The following BACH2 variants were observed in gnomAD, a reference collection of about 807,000 sequenced individuals.
The protein encoded by BACH2 is transcription regulator protein BACH2.
BACH2 carries 5 observed loss-of-function variants against 61.8 expected under a neutral mutation model. That is an observed-to-expected ratio of 0.08 (90% CI 0.04 to 0.17). The LOEUF is 0.17. BACH2 is among the 10% of genes least tolerant of loss of function. BACH2 has a pLI of 1.00. For missense variants in BACH2, 824 were observed against 1,091.1 expected (o/e 0.76, Z 3.45); for synonymous variants, 446 against 440.1 (o/e 1.01, Z -0.17).
intron 3 of BACH2, among the ~76,000 whole-genome samples, chr6:90,235,508 G>A (rs1344011008): frequency 6.6e-6 from 1 of 152,120 alleles, no homozygotes; most frequent in Non-Finnish European, 1.5e-5. Flanking sequence ...AAAAGTCAGT[G>A]ATCTATAGAG....
At chr6:90,202,796 A>C (rs987782197) in intron 4 of BACH2, among the ~76,000 whole-genome samples, 1 of 152,336 alleles carries the variant, frequency 6.6e-6, no homozygotes, top group South Asian at 2.1e-4. Flanking sequence ...TAAGAAGGAA[A>C]GATCTTTCAA....
At chr6:90,262,979 CACAGA>C (rs1188138073) in intron 2 of BACH2, among the ~76,000 whole-genome samples, 2 of 152,108 alleles carry the variant, frequency 1.3e-5, no homozygotes, top group Non-Finnish European at 2.9e-5. Context: ...AAAATTCACT[CACAGA>C]AAAGAGTACA....
chr6:90,159,164 C>G (rs1026604240), intron 4 of BACH2, among the ~76,000 whole-genome samples: 1 of 152,206 alleles, frequency 6.6e-6, no homozygotes, highest in South Asian at 2.1e-4. Flanking sequence ...CTGGGTAAGA[C>G]AGCAGAATCG....
intron 1 of BACH2, among the ~76,000 whole-genome samples, chr6:90,282,645 T>C (rs1033563728): frequency 1.3e-5 from 2 of 152,168 alleles, no homozygotes; most frequent in African/African-American, 4.8e-5. Flanking sequence ...ATAATTTATA[T>C]TCCTTTGGGT....
chr6:90,212,032 T>C (rs1489598369), intron 3 of BACH2, among the ~76,000 whole-genome samples: 1 of 152,060 alleles, frequency 6.6e-6, no homozygotes, highest in Non-Finnish European at 1.5e-5. Context: ...GGCTCTGAAG[T>C]CTAGAAAAAA....
rs192251128 is a variant in BACH2, at chr6:90,121,092, C to T, written c.-161-31983G>A. 3.0e-3 allele frequency among the ~76,000 whole-genome samples: 462 copies of T among 152,210 alleles called. 1 individual carries two copies. The highest frequency in any genetic ancestry group is 0.01 in the African/African-American group (430 of 41,528). On this transcript the variant is annotated intron_variant, in intron 4 of 8. Transcript: ENST00000257749. ...TGCAAGTGTCTTAAAAAATTCCTCA[C>T]TTAAAGAGACTGAAAATGGAAATCA...
chr6:89,938,288 C>A lies in BACH2; in HGVS notation c.1899G>T (p.Met633Ile). 1 of 1,614,250 alleles carries A rather than the reference C, an allele frequency of 6.2e-7. No individual in the cohort carries two copies. Among genetic ancestry groups the A allele is most frequent in the Non-Finnish European group, 8.5e-7 (1 of 1,180,038 alleles). Reference protein sequence around the residue: ...TDLPRNDFQMMIKMHKLTSEQ... With the variant: ...TDLPRNDFQMIIKMHKLTSEQ... ...CTGAGGTTAGCTTGTGCATTTTAATCATCATCTGGAAATCGTTCCTTGGAA... is the reference window on the plus strand; with the variant it reads ...CTGAGGTTAGCTTGTGCATTTTAATAATCATCTGGAAATCGTTCCTTGGAA... Residue 633 changes from methionine to isoleucine, a missense_variant, in exon 8 of 9, where the codon ATG becomes ATT. By Grantham distance (10) the Met-to-Ile change is conservative (BLOSUM62 1). Transcript: ENST00000257749.
chr6:90,285,780 T>C (rs1772001356), intron 1 of BACH2, among the ~76,000 whole-genome samples: 1 of 152,182 alleles, frequency 6.6e-6, no homozygotes, highest in East Asian at 1.9e-4. Flanking sequence ...ATGGGCAGTT[T>C]ACAGTGCGGC....
At chr6:90,053,833 T>C (rs921859056) in intron 5 of BACH2, among the ~76,000 whole-genome samples, 1 of 152,252 alleles carries the variant, frequency 6.6e-6, no homozygotes, top group African/African-American at 2.4e-5. Flanking sequence ...GTTTTCCCTA[T>C]GGCTCCTTTT....
chr6:90,087,990 T>G (rs1040521831), intron 5 of BACH2, among the ~76,000 whole-genome samples: 2 of 151,484 alleles, frequency 1.3e-5, no homozygotes, highest in Non-Finnish European at 2.9e-5. Flanking sequence ...TTTTTTTTTT[T>G]GTACCTATTA....
chr6:90,100,732 C>CACAG (rs1782590373), intron 4 of BACH2, among the ~76,000 whole-genome samples: 1 of 151,384 alleles, frequency 6.6e-6, no homozygotes, highest in African/African-American at 2.4e-5. Flanking sequence ...CACACAGACA[C>CACAG]ACACACACAC....
At chr6:89,978,205 A>C (rs1341904210) in intron 6 of BACH2, among the ~76,000 whole-genome samples, 1 of 152,220 alleles carries the variant, frequency 6.6e-6, no homozygotes, top group Non-Finnish European at 1.5e-5. Flanking sequence ...AAATTAATCA[A>C]ACTGACAGAA....
At chr6:90,166,676 C>T (rs926711210) in intron 4 of BACH2, among the ~76,000 whole-genome samples, 8 of 152,096 alleles carry the variant, frequency 5.3e-5, no homozygotes, top group Admixed American at 2.0e-4. Flanking sequence ...CAACGATAGA[C>T]TGGATTAAGA....
chr6:90,214,863 G>C (rs1769479484), intron 3 of BACH2, among the ~76,000 whole-genome samples: 1 of 144,920 alleles, frequency 6.9e-6, no homozygotes, highest in South Asian at 2.3e-4. Context: ...CCAGGCTCAA[G>C]TGATTCTCCC....
At chr6:90,000,770 G>A (rs1192290612) in intron 6 of BACH2, among the ~76,000 whole-genome samples, 6 of 152,152 alleles carry the variant, frequency 3.9e-5, no homozygotes, top group African/African-American at 1.4e-4. Context: ...GTCTCTTTCC[G>A]CTCTTTAGCT....
chr6:90,092,291 AATAT>A (rs1167228249), intron 4 of BACH2, among the ~76,000 whole-genome samples: 1,171 of 113,814 alleles, frequency 0.01, 41 homozygotes, highest in African/African-American at 0.039. Flanking sequence ...AAAAAAAAAA[AATAT>A]ATATATATAT....
intron 6 of BACH2, chr6:89,953,121 A>G (rs549140715): frequency 6.6e-6 from 1 of 152,338 alleles, no homozygotes; most frequent in South Asian, 2.1e-4. Context: ...TAAACTTTGT[A>G]GCTGACTTCT....
intron 1 of BACH2, among the ~76,000 whole-genome samples, chr6:90,295,654 G>GGTGTGTGTGTGTGTGTGT (rs138869202): frequency 1.3e-4 from 19 of 147,828 alleles, no homozygotes; most frequent in African/African-American, 4.0e-4. Flanking sequence ...TGGAGTGTAG[G>GGTGTGTGTGTGTGTGTGT]GTGTGTGTGT....
chr6:90,227,764 C>T (rs1451253058), intron 3 of BACH2, among the ~76,000 whole-genome samples: 2 of 151,702 alleles, frequency 1.3e-5, no homozygotes, highest in African/African-American at 4.8e-5. Context: ...TAGACTTCAA[C>T]AACCACATAA....
Sources: allele counts gnomAD v4.1 joint callset (sites outside exome capture counted in the v4.1 genomes callset), GRCh38; gene constraint gnomAD v4.1.1; transcripts MANE v1.5; gene names NCBI Gene and HGNC (gene_info 2026-07-23, HGNC 2026-07-21).